CSMD3: variants seen among roughly 807,000 people sequenced by gnomAD.
The protein encoded by CSMD3 is CUB and Sushi multiple domains 3.
In CSMD3, 177 loss-of-function variants were observed where a neutral mutation model predicts 435.2. That is an observed-to-expected ratio of 0.41 (90% CI 0.36 to 0.46). The LOEUF (loss-of-function observed/expected upper bound fraction) is 0.46. Among genes scored for constraint, CSMD3 ranks in the 20% least tolerant of loss-of-function variants. The pLI, the probability that CSMD3 is intolerant of heterozygous loss-of-function variation, is 0.34. For missense variants in CSMD3, 4,265 were observed against 4,504.6 expected (o/e 0.95, Z 1.52); for synonymous variants, 1,656 against 1,520.5 (o/e 1.09, Z -2.07).
chr8:112,935,322 A>AAT (rs2083247422), intron 9 of CSMD3, among the ~76,000 whole-genome samples: 1 of 152,032 alleles, frequency 6.6e-6, no homozygotes, highest in African/African-American at 2.4e-5. Flanking sequence ...CTGAAGTCAG[A>AAT]CTGTATGATA....
At chr8:112,963,699 A>T (rs2084316447) in intron 7 of CSMD3, among the ~76,000 whole-genome samples, 1 of 152,012 alleles carries the variant, frequency 6.6e-6, no homozygotes, top group East Asian at 1.9e-4. Context: ...GAAATTGAAA[A>T]GTAATTCAAT....
At position 113,144,378 on chromosome 8, in the gene CSMD3, T is replaced by C. The variant is rs369175979; in HGVS notation, c.709+29344A>G. Among the ~76,000 whole-genome samples, 13 of 151,408 alleles carry C rather than the reference T, an allele frequency of 8.6e-5. No individual in the cohort carries two copies. The East Asian group carries it at 2.0e-3, about 23-fold the overall frequency. On this transcript the variant is annotated intron_variant, in intron 4 of 70. Transcript: ENST00000297405. The stretch of plus-strand genomic sequence containing the variant: ...CCAAATCTGTGCCCCACAACTCTGC[T>C]GGCCATAGAGCAGACAGGCATTCTA...
At chr8:113,241,574 C>G (rs1450574677) in intron 3 of CSMD3, among the ~76,000 whole-genome samples, 1 of 148,500 alleles carries the variant, frequency 6.7e-6, no homozygotes, top group East Asian at 2.0e-4. Context: ...TTTGTAAATT[C>G]TATGTATTTG....
intron 4 of CSMD3, among the ~76,000 whole-genome samples, chr8:113,107,936 C>T (rs945281446): frequency 3.3e-5 from 5 of 152,134 alleles, no homozygotes; most frequent in Non-Finnish European, 5.9e-5. Context: ...TTGAATTAAA[C>T]ATGAAATGAA....
At chr8:113,181,252 A>T (rs1371036399) in intron 3 of CSMD3, among the ~76,000 whole-genome samples, 1 of 152,020 alleles carries the variant, frequency 6.6e-6, no homozygotes, top group Non-Finnish European at 1.5e-5. Context: ...TATTTAGATA[A>T]GTCTCAGGGT....
intron 5 of CSMD3, among the ~76,000 whole-genome samples, chr8:113,039,936 G>A (rs962842109): frequency 6.6e-6 from 1 of 152,154 alleles, no homozygotes; most frequent in African/African-American, 2.4e-5. Flanking sequence ...CCTTCTAGGA[G>A]TCAAAACAAC....
At chr8:112,836,502 T>C (rs2080028356) in intron 11 of CSMD3, among the ~76,000 whole-genome samples, 1 of 151,890 alleles carries the variant, frequency 6.6e-6, no homozygotes, top group Non-Finnish European at 1.5e-5. Context: ...GTATTTGACC[T>C]AATTCTGGCC....
chr8:113,364,257 T>A (rs552255104), intron 1 of CSMD3, among the ~76,000 whole-genome samples: 4,519 of 146,198 alleles, frequency 0.031, 93 homozygotes, highest in Middle Eastern at 0.044. Flanking sequence ...TTTTTTTTTT[T>A]TAAAAAGGAT....
intron 1 of CSMD3, among the ~76,000 whole-genome samples, chr8:113,384,415 C>T (rs1487737388): frequency 6.6e-6 from 1 of 152,040 alleles, no homozygotes; most frequent in Non-Finnish European, 1.5e-5. Flanking sequence ...AGACAAAAAA[C>T]ATACTAAGTG....
rs138791171 is a variant in CSMD3, at chr8:112,921,678, G to C, written c.1582C>G (p.Arg528Gly). 1.2e-6 allele frequency: 2 copies of C among 1,611,614 alleles called. No individual in the cohort carries two copies. Residue 528 changes from arginine (R) to glycine (G), a missense_variant, in exon 10 of 71, where the codon CGG becomes GGG. By Grantham distance (125) the Arg-to-Gly change is moderately radical. This residue lies in a region of CSMD3 where 731 missense variants were observed against 755.4 expected (regional missense o/e 0.97). Transcript: ENST00000297405. ...LQGAKSITCQRIAEVFAAWSD... is the reference protein window; with the variant it reads ...LQGAKSITCQGIAEVFAAWSD... Reference sequence around the variant, plus strand: ...CAAGCAGCAAAAACTTCAGCTATCCGTTGACAGGTGATGCTCTTTGCGCCC... The same window carrying C: ...CAAGCAGCAAAAACTTCAGCTATCCCTTGACAGGTGATGCTCTTTGCGCCC...
At chr8:112,663,068 C>A (rs997054756) in intron 17 of CSMD3, among the ~76,000 whole-genome samples, 1 of 151,740 alleles carries the variant, frequency 6.6e-6, no homozygotes, top group Non-Finnish European at 1.5e-5. Context: ...CACTTTTACA[C>A]TGTTGGTGGC....
chr8:112,796,790 C>CA (rs904607964), intron 13 of CSMD3, among the ~76,000 whole-genome samples: 7 of 151,636 alleles, frequency 4.6e-5, no homozygotes, highest in South Asian at 2.1e-4. Flanking sequence ...TTTTGGCAAA[C>CA]AAAAAAAATC....
intron 10 of CSMD3, among the ~76,000 whole-genome samples, chr8:112,871,501 A>C (rs569359857): frequency 6.6e-6 from 1 of 152,282 alleles, no homozygotes. Context: ...GGGAAATGGA[A>C]AAATAGGAAA....
At chr8:112,318,174 G>T (rs1163364691) in intron 47 of CSMD3, among the ~76,000 whole-genome samples, 1 of 151,798 alleles carries the variant, frequency 6.6e-6, no homozygotes, top group Non-Finnish European at 1.5e-5. Context: ...CCTCTCTCTA[G>T]CTCTGTTCTA....
chr8:113,030,953 T>C lies in CSMD3; in HGVS notation c.918-11774A>G, dbSNP rs193285926. The stretch of plus-strand genomic sequence containing the variant: ...AAATTAAAATCACAGTGAGATATTA[T>C]GATACACCTACCAGAATGGCTAAAA... On this transcript the variant is annotated intron_variant, in intron 5 of 70. Coordinates refer to ENST00000297405, the MANE Select transcript of CSMD3 (RefSeq NM_198123.2). Among the ~76,000 whole-genome samples, 127 of 151,732 alleles carry C rather than the reference T, an allele frequency of 8.4e-4. 1 individual carries two copies. In the Middle Eastern group the frequency reaches 0.017, roughly 20 times the overall value.
chr8:112,333,466 CT>C (rs1824267882), intron 45 of CSMD3, among the ~76,000 whole-genome samples: 1 of 152,150 alleles, frequency 6.6e-6, no homozygotes, highest in African/African-American at 2.4e-5. Context: ...TGCGCCTGGC[CT>C]TGATCTGCTT....
chr8:112,367,580 A>T (rs1586893729), intron 38 of CSMD3, among the ~76,000 whole-genome samples: 1 of 152,256 alleles, frequency 6.6e-6, no homozygotes, highest in East Asian at 1.9e-4. Context: ...CTTTTCAATT[A>T]TATCTTATTA....
At chr8:112,592,366 T>C (rs1831265286) in intron 22 of CSMD3, among the ~76,000 whole-genome samples, 1 of 152,042 alleles carries the variant, frequency 6.6e-6, no homozygotes, top group Non-Finnish European at 1.5e-5. Context: ...ACTGGCTTTC[T>C]CCTTTTAGCC....
intron 32 of CSMD3, among the ~76,000 whole-genome samples, chr8:112,463,857 A>G (rs1057103079): frequency 6.6e-6 from 1 of 152,114 alleles, no homozygotes; most frequent in Non-Finnish European, 1.5e-5. Context: ...GGCTCACTGG[A>G]TGGTGGATTG....
Sources: allele counts gnomAD v4.1 joint callset (sites outside exome capture counted in the v4.1 genomes callset), GRCh38; gene constraint gnomAD v4.1.1; regional missense constraint gnomAD v4.1.1; transcripts MANE v1.5; gene names NCBI Gene and HGNC (gene_info 2026-07-23, HGNC 2026-07-21).